Variants in DHRS9 observed in about 807,000 individuals in gnomAD.
The protein encoded by DHRS9 is dehydrogenase/reductase SDR family member 9.
A neutral mutation model predicts 26.6 loss-of-function variants in DHRS9; 18 were observed. The observed-to-expected ratio is 0.68, with a 90% CI of 0.47 to 1.00. DHRS9 has a LOEUF of 1.00. DHRS9 is among the 50% of genes least tolerant of loss of function. DHRS9 has a pLI of 0.00. For missense variants in DHRS9, 425 were observed against 378.7 expected (o/e 1.12, Z -1.01); for synonymous variants, 134 against 141.1 (o/e 0.95, Z 0.36).
chr2:169,071,259 T>C (rs1256655860), intron 1 of DHRS9, among the ~76,000 whole-genome samples: 1 of 152,230 alleles, frequency 6.6e-6, no homozygotes. Flanking sequence ...ATAGCAATTG[T>C]TATGCAGTGA....
At chr2:169,082,204 G>A (rs1032731129) in intron 2 of DHRS9, among the ~76,000 whole-genome samples, 1 of 152,132 alleles carries the variant, frequency 6.6e-6, no homozygotes, top group Non-Finnish European at 1.5e-5. Context: ...CCCATATACA[G>A]CAAAGGAATT....
intron 3 of DHRS9, among the ~76,000 whole-genome samples, chr2:169,085,243 T>C (rs1278933914): frequency 6.6e-6 from 1 of 152,190 alleles, no homozygotes; most frequent in South Asian, 2.1e-4. Flanking sequence ...TATAGCTTTA[T>C]AGAAAATTTG....
rs749731465 is a variant in DHRS9 at position 169,083,376 on chromosome 2, C to T, written c.361C>T (p.Pro121Ser). Residue 121 changes from proline to serine, a missense_variant, in exon 3 of 5, where the codon CCC becomes TCC. Pro to Ser is a moderately conservative substitution (Grantham distance 74). Coordinates refer to ENST00000674881, the MANE Select transcript of DHRS9 (RefSeq NM_001376924.1). ...TGCTGGTGTTCCCGGCGTGCTGGCT[C>T]CCACTGACTGGCTGACACTAGAGGA... Reference protein sequence around the residue: ...NNAGVPGVLAPTDWLTLEDYR... With the variant: ...NNAGVPGVLASTDWLTLEDYR... 21 of 1,613,982 alleles carry T rather than the reference C, an allele frequency of 1.3e-5. 1 individual carries two copies. In the South Asian group the frequency reaches 2.1e-4, roughly 16 times the overall value.
In DHRS9 at chr2:169,095,748, C is replaced by A. The variant is rs1684679043; in HGVS notation, c.941C>A (p.Ala314Asp). 2.5e-6 allele frequency: 4 copies of A among 1,613,682 alleles called. No individual in the cohort carries two copies. Among genetic ancestry groups the A allele is most frequent in the Non-Finnish European group, 3.4e-6 (4 of 1,179,810 alleles). The change falls in exon 5 of 5, where the codon GCT (alanine) becomes GAT (aspartate). Residue 314 changes from alanine to aspartate, a missense_variant. Physicochemically the swap from Ala to Asp is moderately radical, Grantham distance 126. Transcript: ENST00000674881. ...FLLLKQKAEL[A>D]NPKAV ...TTGTTGAAACAGAAAGCAGAGCTGG[C>A]TAATCCCAAGGCAGTGTGACTCAGC...
At chr2:169,088,232 G>C (rs1684413686) in intron 3 of DHRS9, among the ~76,000 whole-genome samples, 1 of 152,192 alleles carries the variant, frequency 6.6e-6, no homozygotes, top group Admixed American at 6.5e-5. Flanking sequence ...GGTGCTGGCT[G>C]AGTTCTGCCT....
intron 3 of DHRS9, among the ~76,000 whole-genome samples, chr2:169,086,464 G>A (rs1458217583): frequency 1.3e-5 from 2 of 150,720 alleles, no homozygotes; most frequent in South Asian, 4.2e-4. Context: ...TCATGTCTCT[G>A]TCTCACCAGG....
chr2:169,087,556 G>T (rs1363490541), intron 3 of DHRS9, among the ~76,000 whole-genome samples: 1 of 152,036 alleles, frequency 6.6e-6, no homozygotes, highest in Admixed American at 6.6e-5. Context: ...GAAGCACAAG[G>T]AGTCTCCCCC....
At chr2:169,068,494 T>A (rs1442234627), upstream of DHRS9, among the ~76,000 whole-genome samples, 5 of 152,130 alleles carry the variant, frequency 3.3e-5, no homozygotes, top group Non-Finnish European at 5.9e-5. Context: ...CTGGCTAATT[T>A]TTTGTATTTT....
chr2:169,081,265 A>C, intron 1 of DHRS9: 1 of 816,280 alleles, frequency 1.2e-6, no homozygotes, highest in South Asian at 3.2e-5. Flanking sequence ...GCTTGTGTCA[A>C]TTTTGCCATG....
At chr2:169,080,013 G>GA in intron 1 of DHRS9, among the ~76,000 whole-genome samples, 1 of 117,460 alleles carries the variant, frequency 8.5e-6, no homozygotes, top group Non-Finnish European at 1.9e-5. Context: ...AAGAAAGAAA[G>GA]AAAGAAAGAA....
intron 1 of DHRS9, among the ~76,000 whole-genome samples, chr2:169,078,681 A>C (rs1028084542): frequency 2.6e-5 from 4 of 152,160 alleles, no homozygotes; most frequent in Admixed American, 1.3e-4. Flanking sequence ...AGTTGGAAAA[A>C]CTATACCAAA....
chr2:169,081,557 G>A lies in DHRS9; in HGVS notation c.-25G>A, dbSNP rs751919807. ...TTCTTGTATTATACAAGAAAGGAGT[G>A]TACCTATCACACACAGGGGGAAAAA... On this transcript the variant is annotated 5_prime_UTR_variant, in exon 2 of 5. Coordinates refer to ENST00000674881, the MANE Select transcript of DHRS9 (RefSeq NM_001376924.1). 16 of 1,606,992 alleles carry A rather than the reference G, an allele frequency of 1.0e-5. No individual in the cohort carries two copies. The African/African-American group carries it at 1.2e-4, about 12-fold the overall frequency.
At chr2:169,093,122 C>T (rs1466527314) in intron 4 of DHRS9, among the ~76,000 whole-genome samples, 1 of 152,122 alleles carries the variant, frequency 6.6e-6, no homozygotes, top group Non-Finnish European at 1.5e-5. Context: ...TCACTGACCT[C>T]CTGCTTTGAG....
At chr2:169,093,906 TC>T (rs137860486) in intron 4 of DHRS9, among the ~76,000 whole-genome samples, 5,210 of 152,314 alleles carry the variant, frequency 0.034, 120 homozygotes, top group Non-Finnish European at 0.056. Flanking sequence ...GAAAGAAAGA[TC>T]TAACATCATA....
At chr2:169,088,039 C>T (rs756934347) in intron 3 of DHRS9, among the ~76,000 whole-genome samples, 7 of 152,142 alleles carry the variant, frequency 4.6e-5, no homozygotes, top group Admixed American at 1.3e-4. Flanking sequence ...CCACTGTCTC[C>T]GAGCACAGCA....
chr2:169,080,171 T>C (rs1684139989), intron 1 of DHRS9, among the ~76,000 whole-genome samples: 1 of 152,150 alleles, frequency 6.6e-6, no homozygotes, highest in African/African-American at 2.4e-5. Flanking sequence ...CAGGGCCTAT[T>C]GATTGTCCTC....
intron 1 of DHRS9, among the ~76,000 whole-genome samples, chr2:169,076,614 C>T (rs1242745539): frequency 6.6e-6 from 1 of 152,176 alleles, no homozygotes; most frequent in Non-Finnish European, 1.5e-5. Flanking sequence ...CCAGCCTCTC[C>T]TTTTTCATAT....
chr2:169,074,529 G>T (rs948083383), intron 1 of DHRS9: 14 of 844,822 alleles, frequency 1.7e-5, no homozygotes, highest in Non-Finnish European at 2.0e-5. Context: ...ACCACAGCTG[G>T]CGTAGTGTGG....
intron 2 of DHRS9, 67 bp downstream of exon 2, chr2:169,081,961 A>C (rs1684206484): frequency 6.9e-7 from 1 of 1,459,848 alleles, no homozygotes. Context: ...AAAGCTAAAT[A>C]AAACATGCTC....
Sources: gnomAD v4.1 joint callset for allele counts (sites outside exome capture counted in the v4.1 genomes callset) on GRCh38, gnomAD v4.1.1 for gene constraint, MANE v1.5 for transcripts, NCBI Gene and HGNC (gene_info 2026-07-23, HGNC 2026-07-21) for gene names.